SAMD9: variants seen among roughly 807,000 people sequenced by gnomAD.
The protein encoded by SAMD9 is sterile alpha motif domain containing 9.
A neutral mutation model predicts 1.5 loss-of-function variants in SAMD9; 3 were observed. The observed-to-expected ratio is 2.05, with a 90% confidence interval of 0.93 to 5.29. The LOEUF (loss-of-function observed/expected upper bound fraction) is 5.29, where lower values mean the gene tolerates loss of function less well. SAMD9 is among the 30% of genes most tolerant of loss of function. SAMD9 has a pLI of 0.02. For synonymous variants in SAMD9, 635 were observed against 631.9 expected (o/e 1.00, Z -0.07); for missense variants, 1,597 against 1,820.8 (o/e 0.88, Z 2.24).
At position 93,105,233 on chromosome 7, in the gene SAMD9, A is replaced by T; in HGVS notation, c.865T>A (p.Phe289Ile). The T allele has an allele frequency of 6.2e-7, 1 of 1,613,906 alleles. No individual in the cohort carries two copies. Among genetic ancestry groups the T allele is most frequent in the Non-Finnish European group, 8.5e-7 (1 of 1,179,968 alleles). Residue 289 changes from phenylalanine to isoleucine, a missense_variant, in exon 3 of 3, where the codon TTT (phenylalanine) becomes ATT (isoleucine). Physicochemically the swap from Phe to Ile is conservative, Grantham distance 21. Transcript: ENST00000379958. The stretch of plus-strand genomic sequence containing the variant: ...CTATTTGGCAGTAAAACTTCCACAA[A>T]TCTTGGCTCTCGAATGCACTTCTTT... Reference protein sequence around the residue: ...QAKKCIREPRFVEVLLPNSTL... With the variant: ...QAKKCIREPRIVEVLLPNSTL...
Position 93,104,229 on chromosome 7 carries a change from A to G in SAMD9, c.1869T>C (p.Ser623=). 1 of 1,613,952 alleles carries G rather than the reference A, an allele frequency of 6.2e-7. No individual in the cohort carries two copies. Among genetic ancestry groups the G allele is most frequent in the Non-Finnish European group, 8.5e-7 (1 of 1,179,870 alleles). ...AAAGCCTTTTTGAAGATTGAGTCAC[A>G]GATTTTAGTTTAAGAATAGTGCCAT... is the stretch of plus-strand genomic sequence containing the variant. The part of the protein sequence containing the change: ...EINGTILKLK[S]VTQSSKRLLP... Residue 623 remains serine (S), a synonymous_variant, in exon 3 of 3, where the codon TCT becomes TCC. Transcript: ENST00000379958.
At chr7:93,112,998 C>A (rs1791772353) in intron 2 of SAMD9, among the ~76,000 whole-genome samples, 1 of 152,194 alleles carries the variant, frequency 6.6e-6, no homozygotes, top group Non-Finnish European at 1.5e-5. Flanking sequence ...GTTGCCAAGT[C>A]AATCCCAAGC....
intron 2 of SAMD9, among the ~76,000 whole-genome samples, chr7:93,112,175 C>T (rs2116435649): frequency 6.6e-6 from 1 of 152,248 alleles, no homozygotes; most frequent in South Asian, 2.1e-4. Context: ...AAACGTAATC[C>T]ATCATATAAA....
At chr7:93,108,106 A>G (rs1169723842) in intron 2 of SAMD9, among the ~76,000 whole-genome samples, 1 of 152,234 alleles carries the variant, frequency 6.6e-6, no homozygotes, top group African/African-American at 2.4e-5. Flanking sequence ...CCTTGGATGT[A>G]TTTATAAAAA....
rs1791591629 is a variant in SAMD9 at position 93,104,324 on chromosome 7, C to T, written c.1774G>A (p.Ala592Thr). The T allele has an allele frequency of 1.2e-6, 2 of 1,613,604 alleles. No homozygotes were observed. The highest frequency in any genetic ancestry group is 1.3e-5 in the African/African-American group (1 of 74,904). Residue 592 changes from alanine (A) to threonine (T), a missense_variant, in exon 3 of 3, where the codon GCA becomes ACA. Around this residue, in one of 6 missense-constraint regions of SAMD9, gnomAD observed 358 missense variants for 460.4 expected, o/e 0.78. Coordinates refer to ENST00000379958, the MANE Select transcript of SAMD9 (RefSeq NM_017654.4). ...TCATCTTGGTGTTTTATTAATCTTG[C>T]TTCAAGTAGATCTTTCCATCCCTGA... ...IFQGWKDLLE[A>T]RLIKHQDEIS...
In SAMD9 at chr7:93,115,131, T is replaced by G. The variant is rs1791813105; in HGVS notation, c.-109-236A>C. 2.0e-5 allele frequency among the ~76,000 whole-genome samples: 3 copies of G among 152,042 alleles called. No homozygotes were observed. The South Asian group carries it at 6.2e-4, about 31-fold the overall frequency. On this transcript the variant is annotated intron_variant, in intron 1 of 2. Transcript: ENST00000379958. ...GGGTCTAATGAAGTGCAATTAGAAG[T>G]GTTCCAAAATGTTTACCGTAATGGA...
intron 2 of SAMD9, among the ~76,000 whole-genome samples, chr7:93,111,349 T>A (rs1292534704): frequency 6.6e-6 from 1 of 152,068 alleles, no homozygotes; most frequent in African/African-American, 2.4e-5. Context: ...CCACAGGAGA[T>A]AGCAGGAAAG....
rs1791531656 is a variant in SAMD9, at chr7:93,101,632, A to G, written c.4466T>C (p.Leu1489Pro). 2 of 1,613,830 alleles carry G rather than the reference A, an allele frequency of 1.2e-6. No homozygotes were observed. Among genetic ancestry groups the G allele is most frequent in the Admixed American group, 1.7e-5 (1 of 59,994 alleles). ...TTTTCCTTTGTGAACAAGTCTTTCC[A>G]GTCTTTTACCTTTTCCAAGAAAGAA... ...AYFFLGKGKRLERLVHKGKID... is the reference protein window; with the variant it reads ...AYFFLGKGKRPERLVHKGKID... Residue 1489 changes from leucine (L) to proline (P), a missense_variant, in exon 3 of 3, where the codon CTG (leucine) becomes CCG (proline). Leu to Pro is a moderately conservative substitution (Grantham distance 98). Coordinates refer to ENST00000379958, the MANE Select transcript of SAMD9 (RefSeq NM_017654.4).
At chr7:93,110,914 A>G (rs1019042433) in intron 2 of SAMD9, among the ~76,000 whole-genome samples, 11 of 152,324 alleles carry the variant, frequency 7.2e-5, no homozygotes, top group African/African-American at 2.6e-4. Flanking sequence ...GAAAGTTAAC[A>G]ACGATATCCA....
At position 93,101,715 on chromosome 7, in the gene SAMD9, T is replaced by C; in HGVS notation, c.4383A>G (p.Lys1461=). Residue 1461 remains lysine, a synonymous_variant, in exon 3 of 3, where the codon AAA becomes AAG. Transcript: ENST00000379958. ...EQMKEYAQAL[K]NSFKGQYKHM... ...GTTTATATTGCCCCTTGAAAGAATTTTTTAGTGCTTGAGCATACTCTTTCA... is the reference window on the plus strand; with the variant it reads ...GTTTATATTGCCCCTTGAAAGAATTCTTTAGTGCTTGAGCATACTCTTTCA... The C allele has an allele frequency of 6.2e-7, 1 of 1,613,812 alleles. No individual in the cohort carries two copies. Among genetic ancestry groups the C allele is most frequent in the Non-Finnish European group, 8.5e-7 (1 of 1,179,766 alleles).
intron 1 of SAMD9, 23 bp from the exon 2 acceptor site, chr7:93,114,918 T>C (rs1332460869): frequency 6.6e-6 from 1 of 152,218 alleles, no homozygotes; most frequent in Non-Finnish European, 1.5e-5. Flanking sequence ...AAAACTCATA[T>C]TTTTAAGTAA....
Position 93,103,413 on chromosome 7 carries a change from T to G in SAMD9, c.2685A>C (p.Glu895Asp). 2 of 1,613,400 alleles carry G rather than the reference T, an allele frequency of 1.2e-6. No homozygotes were observed. Among genetic ancestry groups the G allele is most frequent in the South Asian group, 1.1e-5 (1 of 91,054 alleles). Residue 895 changes from glutamate (E) to aspartate (D), a missense_variant, in exon 3 of 3, where the codon GAA becomes GAC. Glu to Asp is a conservative substitution (Grantham distance 45, BLOSUM62 2). Coordinates refer to ENST00000379958, the MANE Select transcript of SAMD9 (RefSeq NM_017654.4). ...TATTCCGGACCACATTTTCTATGTA[T>G]TCTTTATTAAAATTGGTTTTCATGA... Reference protein sequence around the residue: ...FMIMKTNFNKEYIENVVRNIL... With the variant: ...FMIMKTNFNKDYIENVVRNIL...
chr7:93,117,673 C>G (rs1791853783), intron 1 of SAMD9, among the ~76,000 whole-genome samples, 190 bp downstream of exon 1: 1 of 152,286 alleles, frequency 6.6e-6, no homozygotes, highest in South Asian at 2.1e-4. Flanking sequence ...AATGTTATGA[C>G]TAATTTTTCA....
chr7:93,108,310 G>C (rs1259822085), intron 2 of SAMD9, among the ~76,000 whole-genome samples: 1 of 152,142 alleles, frequency 6.6e-6, no homozygotes, highest in East Asian at 1.9e-4. Flanking sequence ...AAGCCATAGG[G>C]TGCCGAGTCT....
At chr7:93,111,873 A>T (rs1791750815) in intron 2 of SAMD9, among the ~76,000 whole-genome samples, 1 of 152,226 alleles carries the variant, frequency 6.6e-6, no homozygotes. Flanking sequence ...AAATTCTACC[A>T]GAGGTACAAA....
chr7:93,102,161 A>T lies in SAMD9; in HGVS notation c.3937T>A (p.Ser1313Thr). 1 of 1,613,552 alleles carries T rather than the reference A, an allele frequency of 6.2e-7. No individual in the cohort carries two copies. Among genetic ancestry groups the T allele is most frequent in the Non-Finnish European group, 8.5e-7 (1 of 1,179,700 alleles). The change falls in exon 3 of 3, where the codon TCA (serine) becomes ACA (threonine). Residue 1313 changes from serine (S) to threonine (T), a missense_variant. Ser to Thr is a moderately conservative substitution (Grantham distance 58). Coordinates refer to ENST00000379958, the MANE Select transcript of SAMD9 (RefSeq NM_017654.4). ...YVDIFCLLEE[S>T]QNNTGLGSKF... ...GATCCAAGACCTGTGTTGTTTTGTG[A>T]TTCTTCTAAGAGACAAAATATATCT...
Position 93,102,831 on chromosome 7 carries a change from T to G in SAMD9, c.3267A>C (p.Ala1089=). 1 of 1,613,880 alleles carries G rather than the reference T, an allele frequency of 6.2e-7. No individual in the cohort carries two copies. Among genetic ancestry groups the G allele is most frequent in the Non-Finnish European group, 8.5e-7 (1 of 1,179,810 alleles). ...CCTTCTTTTTAATGTAGAAATGTCTTGCCAACGCTTGGCAAATGAATGCAT... is the reference window on the plus strand; with the variant it reads ...CCTTCTTTTTAATGTAGAAATGTCTGGCCAACGCTTGGCAAATGAATGCAT... The part of the protein sequence containing the change: ...NPNAFICQAL[A]RHFYIKKKDF... Residue 1089 remains alanine, a synonymous_variant, in exon 3 of 3, where the codon GCA becomes GCC. Transcript: ENST00000379958.
In SAMD9 at chr7:93,105,648, T is replaced by C; in HGVS notation, c.450A>G (p.Thr150=). The C allele has an allele frequency of 6.2e-7, 1 of 1,614,182 alleles. No homozygotes were observed. Among genetic ancestry groups the C allele is most frequent in the South Asian group, 1.1e-5 (1 of 91,082 alleles). The change falls in exon 3 of 3, where the codon ACA becomes ACG. Residue 150 remains threonine, a synonymous_variant. Transcript: ENST00000379958. ...GGTCTATGGATGGTTGCCTTTCCTT[T>C]GTATAATCTATTTTATCTTCTATGA... ...VELIEDKIDY[T]KERQPSIDLT...
rs761819522 is a variant in SAMD9 at position 93,101,452 on chromosome 7, AT to A, written c.4645del (p.Ile1549SerfsTer10). On this transcript the variant is annotated frameshift_variant, in exon 3 of 3. Coordinates refer to ENST00000379958, the MANE Select transcript of SAMD9 (RefSeq NM_017654.4). LOFTEE classifies it high-confidence loss of function. ...AAAAGCGGGAGTGATGGGTATTGTG[AT>A]TTTTTCATTGATTCCATATTCTATA... Reference protein sequence around the residue: ...LYIEYGINEKITIPITPAFLG... With the variant: ...LYIEYGINEKXTIPITPAFLG... 17 of 1,613,572 alleles carry A rather than the reference AT, an allele frequency of 1.1e-5. No homozygotes were observed. Among genetic ancestry groups the A allele is most frequent in the Admixed American group, 1.7e-5 (1 of 59,962 alleles).
Sources: gnomAD v4.1 joint callset for allele counts (sites outside exome capture counted in the v4.1 genomes callset) on GRCh38, gnomAD v4.1.1 for gene constraint, gnomAD v4.1.1 regional missense constraint, MANE v1.5 for transcripts, NCBI Gene and HGNC (gene_info 2026-07-23, HGNC 2026-07-21) for gene names.